Variants in ASXL2 observed in about 807,000 individuals in gnomAD.
The protein encoded by ASXL2 is ASXL transcriptional regulator 2, also known as putative Polycomb group protein ASXL2.
In ASXL2, 23 loss-of-function variants were observed where a neutral mutation model predicts 122.0. That is an observed-to-expected ratio of 0.19 (90% CI 0.14 to 0.27). The LOEUF is 0.27. Ranked by LOEUF, ASXL2 falls within the 10% of genes least tolerant of loss-of-function variation. The pLI, the probability that ASXL2 is intolerant of heterozygous loss-of-function variation, is 1.00. For missense variants in ASXL2, 1,518 were observed against 1,713.8 expected, an observed-to-expected ratio of 0.89 and a Z score of 2.02; for synonymous variants, 650 against 637.0, an observed-to-expected ratio of 1.02 and a Z score of -0.31.
chr2:25,850,013 A>G (rs1323049683), intron 1 of ASXL2, among the ~76,000 whole-genome samples: 3 of 152,202 alleles, frequency 2.0e-5, no homozygotes, highest in Admixed American at 2.0e-4. Flanking sequence ...GAACATTACA[A>G]TGAACCACCA....
chr2:25,841,490 A>G (rs1341642097), intron 2 of ASXL2, among the ~76,000 whole-genome samples: 2 of 152,114 alleles, frequency 1.3e-5, no homozygotes, highest in Non-Finnish European at 2.9e-5. Context: ...CGTAAGGTAC[A>G]GAGAAATTGT....
intron 3 of ASXL2, among the ~76,000 whole-genome samples, chr2:25,834,967 C>T (rs1260819944): frequency 2.6e-5 from 4 of 151,962 alleles, no homozygotes; most frequent in African/African-American, 9.7e-5. Context: ...GGATTACGGG[C>T]GCCGGCCACC....
At chr2:25,790,797 TG>T (rs1306832574) in intron 5 of ASXL2, among the ~76,000 whole-genome samples, 2 of 141,748 alleles carry the variant, frequency 1.4e-5, no homozygotes, top group East Asian at 3.9e-4. Context: ...AACAGTTTTT[TG>T]TCTTTTTTTT....
At chr2:25,869,140 G>C (rs1312617210) in intron 1 of ASXL2, among the ~76,000 whole-genome samples, 1 of 151,532 alleles carries the variant, frequency 6.6e-6, no homozygotes, top group Non-Finnish European at 1.5e-5. Context: ...ACTCCAGCCT[G>C]GGGGACAAGA....
intron 2 of ASXL2, among the ~76,000 whole-genome samples, chr2:25,840,591 T>C (rs1244727547): frequency 6.6e-6 from 1 of 152,202 alleles, no homozygotes; most frequent in East Asian, 1.9e-4. Flanking sequence ...TTACCTATTT[T>C]AGGTATCTCA....
chr2:25,768,929 A>AT, intron 6 of ASXL2, 61 bp from the exon 7 acceptor site: 10 of 1,539,896 alleles, frequency 6.5e-6, no homozygotes, highest in Non-Finnish European at 7.9e-6. Flanking sequence ...AATAATATAA[A>AT]TTACTTCTTT....
At position 25,738,656 on chromosome 2, in the gene ASXL2, C is replaced by G. The variant is rs1193115639; in HGVS notation, c.*3373G>C. The G allele has an allele frequency of 6.6e-6, 1 of 151,842 alleles. No individual in the cohort carries two copies. Among genetic ancestry groups the G allele is most frequent in the Non-Finnish European group, 1.5e-5 (1 of 68,006 alleles). 9.4% of individuals were successfully genotyped at this position (151,842 alleles called of 1,614,324 possible). On this transcript the variant is annotated 3_prime_UTR_variant, in exon 13 of 13. Transcript: ENST00000435504. ...CACTTCACCAGAGAGTTATTTATGGCTCTCTAAGGTGGAGAAAGGCAATAA... is the reference window on the plus strand; with the variant it reads ...CACTTCACCAGAGAGTTATTTATGGGTCTCTAAGGTGGAGAAAGGCAATAA...
At chr2:25,772,752 A>G (rs2088477564) in intron 5 of ASXL2, among the ~76,000 whole-genome samples, 1 of 150,070 alleles carries the variant, frequency 6.7e-6, no homozygotes, top group African/African-American at 2.5e-5. Flanking sequence ...AAAAAAAAAA[A>G]AAAAGGTACA....
chr2:25,745,926 G>A (rs533393153), intron 12 of ASXL2, among the ~76,000 whole-genome samples: 2 of 152,120 alleles, frequency 1.3e-5, no homozygotes, highest in East Asian at 1.9e-4. Flanking sequence ...GATTACAGGC[G>A]TGAGCCACCA....
intron 3 of ASXL2, among the ~76,000 whole-genome samples, chr2:25,830,075 T>C (rs780836419): frequency 6.6e-6 from 1 of 152,194 alleles, no homozygotes; most frequent in Admixed American, 6.5e-5. Flanking sequence ...GGAGCCTCTG[T>C]GGCACCAGAT....
intron 5 of ASXL2, among the ~76,000 whole-genome samples, chr2:25,792,600 A>AT (rs1206801088): frequency 6.6e-6 from 1 of 151,894 alleles, no homozygotes; most frequent in Non-Finnish European, 1.5e-5. Context: ...CTAGTAAATA[A>AT]TTTTTTTCTT....
chr2:25,829,389 C>G (rs1329671924), intron 3 of ASXL2, among the ~76,000 whole-genome samples: 1 of 152,132 alleles, frequency 6.6e-6, no homozygotes, highest in African/African-American at 2.4e-5. Context: ...AAACTATGGG[C>G]ATGGTTCTGA....
chr2:25,765,297 A>G (rs781517709), intron 8 of ASXL2, among the ~76,000 whole-genome samples: 1 of 152,028 alleles, frequency 6.6e-6, no homozygotes, highest in Non-Finnish European at 1.5e-5. Flanking sequence ...CATCCTGGCT[A>G]ACACAGTGAA....
intron 1 of ASXL2, among the ~76,000 whole-genome samples, chr2:25,849,505 C>T (rs1476262147): frequency 1.3e-5 from 2 of 149,858 alleles, no homozygotes; most frequent in Admixed American, 1.3e-4. Flanking sequence ...GACAGGGTCT[C>T]ACTGTATTGC....
intron 5 of ASXL2, among the ~76,000 whole-genome samples, chr2:25,783,793 C>T (rs1394507840): frequency 1.3e-5 from 2 of 151,654 alleles, no homozygotes; most frequent in South Asian, 4.2e-4. Flanking sequence ...CGGTGGCTCA[C>T]GACTGTAATG....
chr2:25,874,251 G>A (rs925370583), intron 1 of ASXL2, among the ~76,000 whole-genome samples: 4 of 152,178 alleles, frequency 2.6e-5, no homozygotes, highest in African/African-American at 7.2e-5. Flanking sequence ...CACACTGGGA[G>A]GCAGAGGTGG....
chr2:25,742,968 G>A lies in ASXL2; in HGVS notation c.3369C>T (p.His1123=). The change falls in exon 13 of 13, where the codon CAC becomes CAT. Residue 1123 remains histidine, a synonymous_variant. Transcript: ENST00000435504. ...RRTSKPAMAG[H]YLLNISTYGR... ...CGTAGGTAGAAATATTCAGTAAGTA[G>A]TGCCCTGCCATTGCAGGTTTGGATG... The A allele has an allele frequency of 1.2e-6, 2 of 1,614,024 alleles. No homozygotes were observed. Among genetic ancestry groups the A allele is most frequent in the Non-Finnish European group, 1.7e-6 (2 of 1,179,902 alleles).
intron 5 of ASXL2, among the ~76,000 whole-genome samples, chr2:25,775,001 C>A (rs1174678123): frequency 1.3e-5 from 2 of 152,066 alleles, no homozygotes; most frequent in African/African-American, 4.8e-5. Context: ...CCTGTCTTCT[C>A]GTGGTTTTAT....
Position 25,743,352 on chromosome 2 carries a change from A to G in ASXL2, c.2985T>C (p.Ala995=), listed in dbSNP as rs747288803. ...KEERGMGALI[A]TNTTENSTRE... ...TGGTGCTATTTTCTGTTGTGTTGGT[A>G]GCTATGAGCGCTCCCATCCCCCTTT... Residue 995 remains alanine (A), a synonymous_variant, in exon 13 of 13, where the codon GCT becomes GCC. Coordinates refer to ENST00000435504, the MANE Select transcript of ASXL2 (RefSeq NM_018263.6). 1 of 1,613,914 alleles carries G rather than the reference A, an allele frequency of 6.2e-7. No homozygotes were observed. Among genetic ancestry groups the G allele is most frequent in the Admixed American group, 1.7e-5 (1 of 60,008 alleles).
Sources: gnomAD v4.1 joint callset for allele counts (sites outside exome capture counted in the v4.1 genomes callset) on GRCh38, gnomAD v4.1.1 for gene constraint, MANE v1.5 for transcripts, NCBI Gene and HGNC (gene_info 2026-07-23, HGNC 2026-07-21) for gene names.